LAMB4: variants seen among roughly 807,000 people sequenced by gnomAD.
LAMB4 encodes laminin subunit beta-4.
Under a neutral mutation model 199.2 loss-of-function variants are expected in LAMB4, and 196 were observed. The observed-to-expected ratio is 0.98, with a 90% CI of 0.88 to 1.11. The LOEUF (loss-of-function observed/expected upper bound fraction) is 1.11. Among genes scored for constraint, LAMB4 ranks in the 50% least tolerant of loss-of-function variants. The pLI is 0.00. For synonymous variants in LAMB4, 744 were observed against 770.6 expected (o/e 0.97, Z 0.57); for missense variants, 2,080 against 2,171.2 (o/e 0.96, Z 0.83).
Position 108,104,600 on chromosome 7 carries a change from C to T in LAMB4, c.890G>A (p.Cys297Tyr), listed in dbSNP as rs113134190. Residue 297 changes from cysteine to tyrosine, a missense_variant, in exon 9 of 34, where the codon TGT becomes TAT. Physicochemically the swap from Cys to Tyr is radical, Grantham distance 194. Coordinates refer to ENST00000388781, the MANE Select transcript of LAMB4 (RefSeq NM_007356.3). ...GTTCGGACCATCTGTATTGTGCTGA[C>T]ACACACACTGACCGTGAACCTGCAT... The part of the protein sequence containing the change: ...PPGMVHGQCV[C>Y]QHNTDGPNCE... 2 of 1,613,916 alleles carry T rather than the reference C, an allele frequency of 1.2e-6. No homozygotes were observed. The highest frequency in any genetic ancestry group is 1.3e-5 in the African/African-American group (1 of 74,912).
chr7:108,016,290 T>TC, the LAMB4 span, among the ~76,000 whole-genome samples: 1 of 144,192 alleles, frequency 6.9e-6, no homozygotes, highest in African/African-American at 2.6e-5. Context: ...TTTTTTTTTT[T>TC]TTTTTTTTTT....
At chr7:108,048,490 A>C (rs928263424) in intron 27 of LAMB4, among the ~76,000 whole-genome samples, 2 of 152,066 alleles carry the variant, frequency 1.3e-5, no homozygotes, top group Non-Finnish European at 2.9e-5. Flanking sequence ...AGGCTCCTTG[A>C]GTCAAGGCAC....
At chr7:108,123,941 G>C (rs550912992) in intron 1 of LAMB4, among the ~76,000 whole-genome samples, 26 of 152,136 alleles carry the variant, frequency 1.7e-4, no homozygotes, top group Non-Finnish European at 2.6e-4. Flanking sequence ...CCATTGAAGA[G>C]AGTTCTGATC....
rs762440287 is a variant in LAMB4, at chr7:108,107,724, G to T, written c.498C>A (p.Ser166=). The change falls in exon 6 of 34, where the codon TCC becomes TCA. Residue 166 remains serine, a synonymous_variant. Transcript: ENST00000388781. ...CCTGGCCAGATGTGATGTTAGGAAA[G>T]GAAGTGGCACAGTCTTTTGCAAAAT... ...FKYFAKDCAT[S]FPNITSGQAQ... is the part of the protein sequence containing the mutation. 4.3e-6 allele frequency: 7 copies of T among 1,613,700 alleles called. No homozygotes were observed. The highest frequency in any genetic ancestry group is 5.9e-6 in the Non-Finnish European group (7 of 1,179,850).
chr7:108,123,801 A>G (rs2150700446), intron 1 of LAMB4, among the ~76,000 whole-genome samples: 1 of 152,320 alleles, frequency 6.6e-6, no homozygotes, highest in East Asian at 1.9e-4. Flanking sequence ...TAACAAATGC[A>G]CTTTTAATTA....
chr7:108,126,722 G>A (rs558874397), intron 1 of LAMB4, among the ~76,000 whole-genome samples: 15 of 148,438 alleles, frequency 1.0e-4, no homozygotes, highest in Admixed American at 7.3e-4. Context: ...CCGCCACCGC[G>A]CCCGACTAAT....
At chr7:108,078,800 G>A (rs2036810075) in intron 15 of LAMB4, among the ~76,000 whole-genome samples, 1 of 152,136 alleles carries the variant, frequency 6.6e-6, no homozygotes, top group African/African-American at 2.4e-5. Flanking sequence ...ATTTTTAATG[G>A]CTTTCTTATC....
At chr7:108,112,316 A>ATT (rs148022175) in intron 3 of LAMB4, among the ~76,000 whole-genome samples, 1 of 146,730 alleles carries the variant, frequency 6.8e-6, no homozygotes. Flanking sequence ...TTTGCTTAGG[A>ATT]TTTTTTTTTT....
chr7:108,077,854 C>T (rs2036763677), intron 16 of LAMB4, among the ~76,000 whole-genome samples: 2 of 152,156 alleles, frequency 1.3e-5, no homozygotes, highest in African/African-American at 4.8e-5. Flanking sequence ...ATTTCAAAGC[C>T]ACCTGGGGAC....
chr7:108,089,689 GTCTTGC>G (rs1406951098), intron 14 of LAMB4, among the ~76,000 whole-genome samples: 1 of 152,114 alleles, frequency 6.6e-6, no homozygotes, highest in Non-Finnish European at 1.5e-5. Flanking sequence ...TTGAGACATG[GTCTTGC>G]TCTGTTACCT....
intron 33 of LAMB4, chr7:108,026,512 C>G (rs1442029221): frequency 5.9e-6 from 1 of 169,752 alleles, no homozygotes; most frequent in African/African-American, 2.4e-5. Context: ...CCAGGTGAGA[C>G]CTGTCGAAGA....
intron 14 of LAMB4, among the ~76,000 whole-genome samples, chr7:108,090,512 G>A (rs1303251644): frequency 6.6e-6 from 1 of 151,980 alleles, no homozygotes; most frequent in Non-Finnish European, 1.5e-5. Flanking sequence ...CCTCACAAAT[G>A]AAATCAGCAT....
the LAMB4 span, among the ~76,000 whole-genome samples, chr7:108,016,463 T>C: frequency 6.6e-6 from 1 of 152,202 alleles, no homozygotes; most frequent in East Asian, 1.9e-4. Flanking sequence ...TTTCTATTTT[T>C]AGTAGAGATG....
At chr7:108,068,269 T>C (rs2036413471) in intron 18 of LAMB4, 110 bp from the exon 19 acceptor site, 1 of 999,840 alleles carries the variant, frequency 1.0e-6, no homozygotes, top group Non-Finnish European at 1.5e-6. Context: ...TCTTTAATAC[T>C]CAACTCCCTC....
intron 33 of LAMB4, among the ~76,000 whole-genome samples, chr7:108,027,332 T>C (rs2034873275): frequency 6.6e-6 from 1 of 152,218 alleles, no homozygotes; most frequent in South Asian, 2.1e-4. Context: ...TGAAAAAAAA[T>C]TACCCACAAG....
chr7:108,055,037 T>C (rs1319118108), intron 25 of LAMB4, among the ~76,000 whole-genome samples: 1 of 152,230 alleles, frequency 6.6e-6, no homozygotes, highest in Non-Finnish European at 1.5e-5. Flanking sequence ...TTTTTGAAAC[T>C]ACCATACTTC....
At chr7:108,079,102 C>G (rs902848932) in intron 15 of LAMB4, among the ~76,000 whole-genome samples, 3 of 152,208 alleles carry the variant, frequency 2.0e-5, no homozygotes, top group Non-Finnish European at 4.4e-5. Flanking sequence ...GGCTTCTATT[C>G]TGTTTTAGAT....
chr7:108,095,242 A>G lies in LAMB4; in HGVS notation c.1456T>C (p.Cys486Arg). ...CAAATACATACAGTGCATTCTTCGC[A>G]GTGTGCTCCGGTGACATATGACAGG... is the stretch of plus-strand genomic sequence containing the variant. ...LCLSYVTGAH[C>R]EECTVGYWGL... Residue 486 changes from cysteine (C) to arginine (R), a missense_variant, in exon 12 of 34, where the codon TGC (cysteine) becomes CGC (arginine). Physicochemically the swap from Cys to Arg is radical, Grantham distance 180. Coordinates refer to ENST00000388781, the MANE Select transcript of LAMB4 (RefSeq NM_007356.3). The G allele has an allele frequency of 1.2e-6, 2 of 1,613,100 alleles. No homozygotes were observed. Among genetic ancestry groups the G allele is most frequent in the Non-Finnish European group, 1.7e-6 (2 of 1,179,100 alleles).
chr7:108,051,796 C>A (rs1326745728), intron 26 of LAMB4, among the ~76,000 whole-genome samples: 1 of 151,680 alleles, frequency 6.6e-6, no homozygotes, highest in Non-Finnish European at 1.5e-5. Flanking sequence ...ATTAGAATTT[C>A]TAAGTTGTTG....
Sources: gnomAD v4.1 joint callset for allele counts (sites outside exome capture counted in the v4.1 genomes callset) on GRCh38, gnomAD v4.1.1 for gene constraint, MANE v1.5 for transcripts, NCBI Gene and HGNC (gene_info 2026-07-23, HGNC 2026-07-21) for gene names.